Variants in CACNA2D4 observed in about 807,000 individuals in gnomAD.
The protein encoded by CACNA2D4 is calcium voltage-gated channel auxiliary subunit alpha2delta 4.
In CACNA2D4, 157 loss-of-function variants were observed where a neutral mutation model predicts 163.8. The ratio of observed to expected loss-of-function variants is 0.96; its 90% CI spans 0.84 to 1.09. The LOEUF (loss-of-function observed/expected upper bound fraction) is 1.09. Ranked by LOEUF, CACNA2D4 falls within the 50% of genes least tolerant of loss-of-function variation. The pLI, the probability that CACNA2D4 is intolerant of heterozygous loss-of-function variation, is 0.00. For synonymous variants in CACNA2D4, 598 were observed against 586.9 expected, an observed-to-expected ratio of 1.02 and a Z score of -0.27; for missense variants, 1,410 against 1,479.9, an observed-to-expected ratio of 0.95 and a Z score of 0.78.
intron 29 of CACNA2D4, 85 bp from the exon 30 acceptor site, chr12:1,801,729 C>T (rs1863340760): frequency 5.3e-6 from 5 of 948,920 alleles, no homozygotes; most frequent in Non-Finnish European, 7.8e-6. Flanking sequence ...ATTTATTCAG[C>T]TCAGGTCGAG....
At position 1,914,770 on chromosome 12, in the gene CACNA2D4, C is replaced by T; in HGVS notation, c.309+84G>A. 2 of 872,220 alleles carry T rather than the reference C, an allele frequency of 2.3e-6. 1 individual carries two copies. The highest frequency in any genetic ancestry group is 3.9e-6 in the Non-Finnish European group (2 of 516,218). 54.0% of individuals were successfully genotyped at this position (872,220 alleles called of 1,614,324 possible). A position where few individuals can be genotyped will look rare whatever the true frequency, so the allele number is the denominator to read the frequency against. ...AACCGATTTGATGGGATGCCCAAGG[C>T]CCCTCACAGCACCGGCATTTGGGGG... On this transcript the variant is annotated intron_variant, in intron 2 of 37. Transcript: ENST00000382722.
chr12:1,804,302 G>A (rs998000351), intron 29 of CACNA2D4, among the ~76,000 whole-genome samples: 9 of 152,174 alleles, frequency 5.9e-5, no homozygotes, highest in African/African-American at 1.7e-4. Flanking sequence ...GGGAATGAAT[G>A]ACCCGAGTCT....
rs772802489 is a variant in CACNA2D4, at chr12:1,858,586, C to T, written c.1999G>A (p.Val667Met). Residue 667 changes from valine (V) to methionine (M), a missense_variant, in exon 20 of 38, where the codon GTG (valine) becomes ATG (methionine). By Grantham distance (21) the Val-to-Met change is conservative (BLOSUM62 1). Transcript: ENST00000382722. ...CCTGGTACCGACCCACCTTCTTCCACAGACGTGTTCCCCAGAAGGATGTAT... is the reference window on the plus strand; with the variant it reads ...CCTGGTACCGACCCACCTTCTTCCATAGACGTGTTCCCCAGAAGGATGTAT... ...GEYILLGNTS[V>M]EEGLHDLLHP... is the part of the protein sequence containing the mutation. 6 of 1,613,522 alleles carry T rather than the reference C, an allele frequency of 3.7e-6. No homozygotes were observed. In the African/African-American group the frequency reaches 6.7e-5, roughly 18 times the overall value.
chr12:1,845,519 C>T (rs981620527), intron 24 of CACNA2D4, among the ~76,000 whole-genome samples: 11 of 152,148 alleles, frequency 7.2e-5, no homozygotes, highest in Admixed American at 3.9e-4. Context: ...GATGGCGCTC[C>T]GTGGCTGGGC....
chr12:1,842,452 G>T (rs1009659896), intron 25 of CACNA2D4, among the ~76,000 whole-genome samples: 3 of 152,188 alleles, frequency 2.0e-5, no homozygotes, highest in Admixed American at 2.0e-4. Context: ...TTCTTTTGGG[G>T]TGGAAGGGAG....
chr12:1,863,846 C>T (rs115558744), intron 18 of CACNA2D4, among the ~76,000 whole-genome samples: 3,033 of 151,478 alleles, frequency 0.02, 101 homozygotes, highest in African/African-American at 0.07. Context: ...TTGTACACAG[C>T]GCAGAAACAG....
intron 32 of CACNA2D4, 82 bp from the exon 33 acceptor site, chr12:1,800,134 C>T (rs1233728034): frequency 7.3e-6 from 10 of 1,369,562 alleles, no homozygotes; most frequent in Admixed American, 2.0e-5. Flanking sequence ...TCCCTGACAG[C>T]CCCCGGCCCA....
chr12:1,806,166 C>T lies in CACNA2D4; in HGVS notation c.2721+4112G>A, dbSNP rs543649135. On this transcript the variant is annotated intron_variant, in intron 29 of 37. Transcript: ENST00000382722. The surrounding 1 kb of genome is among the most constrained non-coding windows in gnomAD (Gnocchi z 4.1). ...CTTTGAAGCTTCCATGGGTGGGTGC[C>T]GCCCAGAAGCAAATGACAGGAATCG... Among the ~76,000 whole-genome samples the T allele has an allele frequency of 5.3e-4, 81 of 152,250 alleles. No individual in the cohort carries two copies. The highest frequency in any genetic ancestry group is 1.9e-3 in the African/African-American group (78 of 41,528).
intron 18 of CACNA2D4, among the ~76,000 whole-genome samples, chr12:1,873,089 C>G (rs951453299): frequency 6.6e-6 from 1 of 152,040 alleles, no homozygotes. Context: ...TAGGATAGGC[C>G]CACCCTCAGG....
chr12:1,827,852 G>A lies in CACNA2D4; in HGVS notation c.2551+12887C>T, dbSNP rs199682655. The A allele has an allele frequency of 1.9e-4, 70 of 364,354 alleles. 1 individual carries two copies. In the East Asian group the frequency reaches 2.5e-3, roughly 13 times the overall value. The allele number at this position is 364,354 out of a possible 1,614,324, so 22.6% of individuals were successfully genotyped here. A position where few individuals can be genotyped will look rare whatever the true frequency, so the allele number is the denominator to read the frequency against. Reference sequence around the variant, plus strand: ...GGTGCACCCCCAGCTTTGCGGCACTGTGCCCGACCCTCGGGCTCCTGGAAA... The same window carrying A: ...GGTGCACCCCCAGCTTTGCGGCACTATGCCCGACCCTCGGGCTCCTGGAAA... On this transcript the variant is annotated intron_variant, in intron 26 of 37. Transcript: ENST00000382722.
Position 1,856,125 on chromosome 12 carries a change from G to A in CACNA2D4, c.2055-16C>T. 1.2e-6 allele frequency: 2 copies of A among 1,613,742 alleles called. No individual in the cohort carries two copies. The highest frequency in any genetic ancestry group is 1.7e-6 in the Non-Finnish European group (2 of 1,179,626). On this transcript the variant is annotated splice_polypyrimidine_tract_variant and intron_variant, in intron 21 of 37. Transcript: ENST00000382722. Reference sequence around the variant, plus strand: ...GCAGTAGATCCTGAAACCCAGGAAAGTCAGTGTTATCTCAAAACATTCCAC... The same window carrying A: ...GCAGTAGATCCTGAAACCCAGGAAAATCAGTGTTATCTCAAAACATTCCAC...
rs1863189999 is a variant in CACNA2D4, at chr12:1,798,055, G to A, written c.2996-520C>T. Among the ~76,000 whole-genome samples the A allele has an allele frequency of 6.6e-6, 1 of 152,220 alleles. No individual in the cohort carries two copies. The highest frequency in any genetic ancestry group is 2.4e-5 in the African/African-American group (1 of 41,454). ...TGAGCGCCTGCGGTGGGGGCAGCCG[G>A]GCAGGTGGGCTCCAGGCCTGGGGCT... On this transcript the variant is annotated intron_variant, in intron 34 of 37. Coordinates refer to ENST00000382722, the MANE Select transcript of CACNA2D4 (RefSeq NM_172364.5). The surrounding 1 kb of genome is among the most constrained non-coding windows in gnomAD (Gnocchi z 4.3).
In CACNA2D4 at chr12:1,869,699, C is replaced by T. The variant is rs376033827; in HGVS notation, c.1878+4905G>A. ...CCATAGATTTCATAAACAGCTCCCA[C>T]AGTTTCATAAGGTCTAATCCCTACG... On this transcript the variant is annotated intron_variant, in intron 18 of 37. Transcript: ENST00000382722. This position sits in a 1 kb window ranked among gnomAD's most constrained non-coding sequence, Gnocchi z 4.7. Among the ~76,000 whole-genome samples the T allele has an allele frequency of 8.5e-5, 13 of 152,330 alleles. No homozygotes were observed. The East Asian group carries it at 1.9e-3, about 23-fold the overall frequency.
intron 23 of CACNA2D4, among the ~76,000 whole-genome samples, chr12:1,849,736 C>T (rs1865231684): frequency 3.3e-5 from 5 of 152,192 alleles, no homozygotes; most frequent in South Asian, 2.1e-4. Flanking sequence ...CTAAAAAGTA[C>T]GTGTGTGTAT....
At chr12:1,796,255 A>AGCCC (rs1863123612) in intron 35 of CACNA2D4, among the ~76,000 whole-genome samples, 1 of 152,112 alleles carries the variant, frequency 6.6e-6, no homozygotes, top group African/African-American at 2.4e-5. Context: ...AGTGGGGCGG[A>AGCCC]GCCCGCCCGC....
intron 3 of CACNA2D4, 21 bp from the exon 4 acceptor site, chr12:1,909,986 G>A: frequency 6.2e-7 from 1 of 1,611,010 alleles, no homozygotes; most frequent in East Asian, 2.2e-5. Flanking sequence ...GGAACACAGA[G>A]GTAGGGAGAA....
At position 1,883,594 on chromosome 12, in the gene CACNA2D4, G is replaced by T. The variant is rs554613668; in HGVS notation, c.1352-594C>A. On this transcript the variant is annotated intron_variant, in intron 12 of 37. Transcript: ENST00000382722. The surrounding 1 kb of genome is among the most constrained non-coding windows in gnomAD (Gnocchi z 4.5). ...TCATCCCCCTCGCCAGTGAGATGCA[G>T]CACCTCTCTGCTCCCAGCAGGTCTC... 2.0e-5 allele frequency among the ~76,000 whole-genome samples: 3 copies of T among 152,260 alleles called. No individual in the cohort carries two copies. The highest frequency in any genetic ancestry group is 7.2e-5 in the African/African-American group (3 of 41,556).
intron 26 of CACNA2D4, among the ~76,000 whole-genome samples, chr12:1,830,147 A>G (rs900859134): frequency 2.6e-5 from 4 of 152,232 alleles, no homozygotes; most frequent in African/African-American, 9.6e-5. Flanking sequence ...CCAGGCTGAG[A>G]GCCTAGATGG....
chr12:1,828,180 G>A lies in CACNA2D4; in HGVS notation c.2551+12559C>T. 6.5e-7 allele frequency: 1 copy of A among 1,547,290 alleles called. No individual in the cohort carries two copies. Among genetic ancestry groups the A allele is most frequent in the Admixed American group, 2.0e-5 (1 of 50,706 alleles). On this transcript the variant is annotated intron_variant, in intron 26 of 37. Transcript: ENST00000382722. This position sits in a 1 kb window ranked among gnomAD's most constrained non-coding sequence, Gnocchi z 4.2. ...GCGCCGGGCAGCAGCCCTGGGCAGA[G>A]GGGCAGGCTCGCCCTGCAGTGGAGG...
Sources: allele counts gnomAD v4.1 joint callset (sites outside exome capture counted in the v4.1 genomes callset), GRCh38; gene constraint gnomAD v4.1.1; non-coding constraint Gnocchi (gnomAD v3.1); transcripts MANE v1.5; gene names NCBI Gene and HGNC (gene_info 2026-07-23, HGNC 2026-07-21).